The following RBFOX1 variants were observed in gnomAD, a reference collection of about 807,000 sequenced individuals.
The protein encoded by RBFOX1 is RNA binding fox-1 homolog 1.
Under a neutral mutation model 57.7 loss-of-function variants are expected in RBFOX1, and 8 were observed. That is an observed-to-expected ratio of 0.14 (90% CI 0.08 to 0.25). The LOEUF is 0.25. RBFOX1 is among the 10% of genes least tolerant of loss of function. The probability of loss-of-function intolerance (pLI) is 1.00; values close to 1 mark genes in which losing one functional copy is unlikely to be tolerated. For synonymous variants in RBFOX1, 326 were observed against 222.4 expected (o/e 1.47, Z -4.15); for missense variants, 611 against 548.5 (o/e 1.11, Z -1.14).
At chr16:6,043,393 T>A (rs1414067004) in intron 1 of RBFOX1, among the ~76,000 whole-genome samples, 1 of 152,206 alleles carries the variant, frequency 6.6e-6, no homozygotes, top group Non-Finnish European at 1.5e-5. Flanking sequence ...AAAGAAACAT[T>A]TTGGGATACA....
Position 6,927,221 on chromosome 16 carries a change from C to T in RBFOX1, c.-15-124836C>T, listed in dbSNP as rs1040361729. ...TCATTTTTTAACGAAACCCTAGGTCCTGCTGAAGCTGCCAGTTCCCATCTC... is the reference window on the plus strand; with the variant it reads ...TCATTTTTTAACGAAACCCTAGGTCTTGCTGAAGCTGCCAGTTCCCATCTC... On this transcript the variant is annotated intron_variant, in intron 3 of 15. Transcript: ENST00000550418. Among the ~76,000 whole-genome samples, 4 of 151,496 alleles carry T rather than the reference C, an allele frequency of 2.6e-5. No homozygotes were observed. In the South Asian group the frequency reaches 8.4e-4, roughly 32 times the overall value.
chr16:7,484,353 T>C (rs1203080892), intron 4 of RBFOX1, among the ~76,000 whole-genome samples: 1 of 152,212 alleles, frequency 6.6e-6, no homozygotes, highest in African/African-American at 2.4e-5. Flanking sequence ...TCCTTCAAAG[T>C]AGAAATGCTG....
chr16:6,055,590 C>CA (rs35872547), intron 1 of RBFOX1, among the ~76,000 whole-genome samples: 34,935 of 65,270 alleles, frequency 0.54, 9,968 homozygotes, highest in Non-Finnish European at 0.62. Context: ...GAGACTCCGT[C>CA]AAAAAAAAAA....
intron 3 of RBFOX1, among the ~76,000 whole-genome samples, chr16:6,736,029 T>A (rs12921405): frequency 1 from 152,024 of 152,026 alleles, 76,011 homozygotes; most frequent in Middle Eastern, 1. Flanking sequence ...GGATTTAGAA[T>A]TTTCAGCATG....
chr16:6,513,471 C>A (rs900980701), intron 2 of RBFOX1, among the ~76,000 whole-genome samples: 3 of 152,144 alleles, frequency 2.0e-5, no homozygotes, highest in African/African-American at 4.8e-5. Context: ...CGGTGGCTCA[C>A]GTCTGTAATC....
At chr16:6,761,277 T>C (rs1024200292) in intron 3 of RBFOX1, among the ~76,000 whole-genome samples, 1 of 152,158 alleles carries the variant, frequency 6.6e-6, no homozygotes, top group Admixed American at 6.5e-5. Context: ...GGCTAAGTGA[T>C]TCAGAGAACT....
chr16:6,244,483 G>C (rs2097558063), intron 1 of RBFOX1, among the ~76,000 whole-genome samples: 1 of 152,090 alleles, frequency 6.6e-6, no homozygotes, highest in African/African-American at 2.4e-5. Context: ...ATCCAAGTTT[G>C]GCGTGTGTCT....
intron 3 of RBFOX1, among the ~76,000 whole-genome samples, chr16:6,924,460 C>T (rs1597367091): frequency 2.0e-5 from 3 of 151,968 alleles, no homozygotes; most frequent in Admixed American, 2.0e-4. Flanking sequence ...GGATGGCAGG[C>T]ACCAAGCCAT....
At chr16:6,993,757 C>T (rs2091866845) in intron 3 of RBFOX1, among the ~76,000 whole-genome samples, 1 of 152,072 alleles carries the variant, frequency 6.6e-6, no homozygotes, top group Admixed American at 6.5e-5. Flanking sequence ...GGGCATGGGG[C>T]AGGGGAGATC....
chr16:5,734,922 G>A (rs910960992), intron 3 of RBFOX1, among the ~76,000 whole-genome samples: 1 of 152,138 alleles, frequency 6.6e-6, no homozygotes, highest in Non-Finnish European at 1.5e-5. Context: ...ACACTTTCTA[G>A]CACAGGGTTT....
chr16:5,913,890 T>C (rs1474177814), intron 4 of RBFOX1, among the ~76,000 whole-genome samples: 2 of 152,256 alleles, frequency 1.3e-5, no homozygotes, highest in African/African-American at 2.4e-5. Context: ...ATGACATCTT[T>C]CTTTACACCA....
In RBFOX1 at chr16:5,280,824, T is replaced by TA. The variant is rs3035467; in HGVS notation, c.219+40719_219+40720insA. Among the ~76,000 whole-genome samples the TA allele has an allele frequency of 7.6e-3, 996 of 130,344 alleles. 8 individuals carry two copies. Among genetic ancestry groups the TA allele is most frequent in the African/African-American group, 0.026 (952 of 36,502 alleles). The allele number at this position is 130,344 out of a possible 152,430, so 85.5% of individuals were successfully genotyped here. The stretch of plus-strand genomic sequence containing the variant: ...TGTATTTATTTGGGTCTCCTTTCTT[T>TA]CTTTTTTTTTTTGGTTAGCCTCACT... On this transcript the variant is annotated intron_variant, in intron 1 of 2. Coordinates refer to the RBFOX1 transcript ENST00000585867.
At chr16:7,438,661 C>T (rs1187798030) in intron 4 of RBFOX1, among the ~76,000 whole-genome samples, 1 of 152,118 alleles carries the variant, frequency 6.6e-6, no homozygotes, top group Non-Finnish European at 1.5e-5. Flanking sequence ...AATTTTAAAC[C>T]AGCCCATTAA....
At chr16:6,836,869 C>G (rs1314253802) in intron 3 of RBFOX1, among the ~76,000 whole-genome samples, 5 of 152,140 alleles carry the variant, frequency 3.3e-5, no homozygotes, top group Admixed American at 3.3e-4. Flanking sequence ...TACTGCTGAA[C>G]CACAGGGCCT....
chr16:7,650,015 C>CAGGAAGGAGGGAAGACA (rs1568279978), intron 11 of RBFOX1, among the ~76,000 whole-genome samples: 4 of 32,050 alleles, frequency 1.2e-4, no homozygotes, highest in Non-Finnish European at 3.7e-4. Context: ...GGAGGGAAGA[C>CAGGAAGGAGGGAAGACA]AAAAGGAAGA....
intron 4 of RBFOX1, among the ~76,000 whole-genome samples, chr16:6,004,318 A>G (rs182721433): frequency 1.3e-4 from 20 of 152,280 alleles, no homozygotes; most frequent in African/African-American, 4.6e-4. Flanking sequence ...TAGCTTCTCT[A>G]AGCCTCAGTT....
intron 1 of RBFOX1, chr16:5,366,453 A>G (rs2065718290): frequency 6.7e-6 from 3 of 450,268 alleles, no homozygotes; most frequent in Middle Eastern, 7.9e-4. Context: ...ACTCAGAACC[A>G]TCATCAACAC....
chr16:6,819,685 A>G (rs1280185037), intron 3 of RBFOX1, among the ~76,000 whole-genome samples: 1 of 142,534 alleles, frequency 7.0e-6, no homozygotes, highest in Non-Finnish European at 1.5e-5. Context: ...AGCCTGGGCA[A>G]CAAGAGTGAA....
intron 3 of RBFOX1, among the ~76,000 whole-genome samples, chr16:7,036,547 G>T (rs781389444): frequency 6.6e-6 from 1 of 151,982 alleles, no homozygotes; most frequent in Non-Finnish European, 1.5e-5. Context: ...AGAAAAATTA[G>T]CTGGATACTG....
Sources: gnomAD v4.1 joint callset for allele counts (sites outside exome capture counted in the v4.1 genomes callset) on GRCh38, gnomAD v4.1.1 for gene constraint, MANE v1.5 for transcripts, NCBI Gene and HGNC (gene_info 2026-07-23, HGNC 2026-07-21) for gene names.